Variants in ZNF215 observed in about 807,000 individuals in gnomAD.
ZNF215 encodes zinc finger protein 215, also known as BWSCR2-associated zinc finger protein 2.
In ZNF215, 24 loss-of-function variants were observed where a neutral mutation model predicts 27.2. The ratio of observed to expected loss-of-function variants is 0.88; its 90% CI spans 0.64 to 1.24. The LOEUF (loss-of-function observed/expected upper bound fraction) is 1.24. ZNF215 is among the 50% of genes most tolerant of loss of function. The pLI, the probability that ZNF215 is intolerant of heterozygous loss-of-function variation, is 0.00. For synonymous variants in ZNF215, 210 were observed against 204.0 expected, an observed-to-expected ratio of 1.03 and a Z score of -0.25; for missense variants, 675 against 605.7, an observed-to-expected ratio of 1.11 and a Z score of -1.20.
rs1021604808 is a variant in ZNF215 at position 6,957,353 on chromosome 11, T to C, written c.*822T>C. ...TGTATACATTAGGTTAATTGACATA[T>C]CTAAATTATCTCAGTCTGAGTTTGT... On this transcript the variant is annotated 3_prime_UTR_variant, in exon 7 of 7. Coordinates refer to ENST00000278319, the MANE Select transcript of ZNF215 (RefSeq NM_013250.4). 2 of 214,646 alleles carry C rather than the reference T, an allele frequency of 9.3e-6. No homozygotes were observed. The highest frequency in any genetic ancestry group is 4.7e-5 in the African/African-American group (2 of 42,530). 13.3% of individuals were successfully genotyped at this position (214,646 alleles called of 1,614,324 possible).
Position 6,955,792 on chromosome 11 carries a change from G to C in ZNF215, c.815G>C (p.Trp272Ser), listed in dbSNP as rs200618326. ...PSSDAWKGEN[W>S]LYRNQKKWDI... ...TCAGATGCCTGGAAAGGTGAGAATT[G>C]GTTATATAGGAACCAGAAAAAATGG... Residue 272 changes from tryptophan (W) to serine (S), a missense_variant, in exon 7 of 7, where the codon TGG (tryptophan) becomes TCG (serine). Coordinates refer to ENST00000278319, the MANE Select transcript of ZNF215 (RefSeq NM_013250.4). The C allele has an allele frequency of 1.2e-5, 20 of 1,613,674 alleles. No homozygotes were observed. In the East Asian group the frequency reaches 4.0e-4, roughly 32 times the overall value.
At position 6,977,766 on chromosome 11, in the gene ZNF215, T is replaced by C. The variant is rs117561077; in HGVS notation, c.806-6363T>C. ...TGTATATGCCATCCAGTCTGTGATA[T>C]TTTGTGATAATGAATACACTCTTGT... On this transcript the variant is annotated intron_variant, in intron 5 of 5. Transcript: ENST00000529903. Among the ~76,000 whole-genome samples, 31 of 152,210 alleles carry C rather than the reference T, an allele frequency of 2.0e-4. No individual in the cohort carries two copies. The East Asian group carries it at 5.8e-3, about 28-fold the overall frequency.
rs1849292091 is a variant in ZNF215, at chr11:6,932,333, C to A, written c.61C>A (p.Gln21Lys). ...ACCTCGAAACCTGTCTCTACGTGAA[C>A]AAAGAGAGGTTCTGAGAGCAGATAT... is the stretch of plus-strand genomic sequence containing the variant. Reference protein sequence around the residue: ...SKPRNLSLREQREVLRADMSW... With the variant: ...SKPRNLSLREKREVLRADMSW... Residue 21 changes from glutamine to lysine, a missense_variant, in exon 3 of 7, where the codon CAA becomes AAA. Coordinates refer to ENST00000278319, the MANE Select transcript of ZNF215 (RefSeq NM_013250.4). 1 of 1,613,998 alleles carries A rather than the reference C, an allele frequency of 6.2e-7. No individual in the cohort carries two copies. The highest frequency in any genetic ancestry group is 1.3e-5 in the African/African-American group (1 of 74,878).
Position 6,932,112 on chromosome 11 carries a change from A to G in ZNF215, c.-161A>G. ...TTTTCAGTTGCTCAGGTACCTGAATATTGGCTTTGTGTCTAAAGTTTCTGG... is the reference window on the plus strand; with the variant it reads ...TTTTCAGTTGCTCAGGTACCTGAATGTTGGCTTTGTGTCTAAAGTTTCTGG... On this transcript the variant is annotated 5_prime_UTR_variant, in exon 3 of 7. It adds an upstream start codon to the 5' untranslated region. Coordinates refer to ENST00000278319, the MANE Select transcript of ZNF215 (RefSeq NM_013250.4). The G allele has an allele frequency of 1.3e-6, 1 of 792,374 alleles. No individual in the cohort carries two copies. The highest frequency in any genetic ancestry group is 2.7e-5 in the South Asian group (1 of 37,510). 49.1% of individuals were successfully genotyped at this position (792,374 alleles called of 1,614,324 possible).
At chr11:6,951,294 T>C (rs1850047920) in intron 6 of ZNF215, among the ~76,000 whole-genome samples, 2 of 151,918 alleles carry the variant, frequency 1.3e-5, no homozygotes, top group Non-Finnish European at 2.9e-5. Context: ...ATTGGAATAG[T>C]TTCAGAAGGA....
chr11:6,975,400 T>A (rs1489838271), intron 5 of ZNF215, among the ~76,000 whole-genome samples: 2 of 152,042 alleles, frequency 1.3e-5, no homozygotes, highest in African/African-American at 2.4e-5. Flanking sequence ...AGTTACACAC[T>A]TAGTTATTTT....
downstream of ZNF215, among the ~76,000 whole-genome samples, chr11:6,989,104 C>A (rs1384350138): frequency 1.4e-5 from 2 of 141,826 alleles, no homozygotes; most frequent in Non-Finnish European, 3.0e-5. Flanking sequence ...TGCAGTGAGC[C>A]CAGATCGTGC....
Position 6,956,342 on chromosome 11 carries a change from C to T in ZNF215, c.1365C>T (p.Leu455=). 5 of 1,614,118 alleles carry T rather than the reference C, an allele frequency of 3.1e-6. No homozygotes were observed. Among genetic ancestry groups the T allele is most frequent in the Non-Finnish European group, 4.2e-6 (5 of 1,180,014 alleles). Residue 455 remains leucine (L), a synonymous_variant, in exon 7 of 7, where the codon CTC becomes CTT. Coordinates refer to ENST00000278319, the MANE Select transcript of ZNF215 (RefSeq NM_013250.4). ...GTGAAGACAGTAATAATCCAACACT[C>T]CATTTTGGAAACAATTTCTATCAAT... is the stretch of plus-strand genomic sequence containing the variant. ...SKSEDSNNPT[L]HFGNNFYQCV...
chr11:6,948,558 A>G (rs1232823414), intron 6 of ZNF215, among the ~76,000 whole-genome samples: 1 of 152,182 alleles, frequency 6.6e-6, no homozygotes, highest in Non-Finnish European at 1.5e-5. Flanking sequence ...AGATGACTTC[A>G]GTCTCTCATT....
At chr11:6,974,140 C>A (rs374170933) in intron 5 of ZNF215, among the ~76,000 whole-genome samples, 33,965 of 151,534 alleles carry the variant, frequency 0.22, 3,936 homozygotes, top group Non-Finnish European at 0.25. Flanking sequence ...AGCACCATTT[C>A]TTAAATAGGG....
At chr11:6,968,682 A>G (rs1198660353) in intron 5 of ZNF215, among the ~76,000 whole-genome samples, 1 of 152,030 alleles carries the variant, frequency 6.6e-6, no homozygotes, top group African/African-American at 2.4e-5. Context: ...TCTGGGCTAA[A>G]GGGCAAAATC....
At position 6,943,647 on chromosome 11, in the gene ZNF215, A is replaced by C; in HGVS notation, c.712+6A>C. 6.2e-7 allele frequency: 1 copy of C among 1,601,236 alleles called. No homozygotes were observed. Among genetic ancestry groups the C allele is most frequent in the South Asian group, 1.1e-5 (1 of 90,700 alleles). ...ACCAAGGAAGACTATTTTTGGTAAG[A>C]ACCAGGTAGATATGAGGCCATAGTA... On this transcript the variant is annotated splice_donor_region_variant and intron_variant, in intron 6 of 6. Coordinates refer to ENST00000278319, the MANE Select transcript of ZNF215 (RefSeq NM_013250.4).
Position 6,952,807 on chromosome 11 carries a change from T to C in ZNF215, c.713-2883T>C, listed in dbSNP as rs866283205. ...GTTAGCTGGTTATTTTGCTGGTTAG[T>C]TGATGCAGTTTCTTCGTAGCCTCGA... is the stretch of plus-strand genomic sequence containing the variant. On this transcript the variant is annotated intron_variant, in intron 6 of 6. Coordinates refer to ENST00000278319, the MANE Select transcript of ZNF215 (RefSeq NM_013250.4). Among the ~76,000 whole-genome samples, 8 of 152,224 alleles carry C rather than the reference T, an allele frequency of 5.3e-5. 1 individual carries two copies. The Middle Eastern group carries it at 0.02, about 388-fold the overall frequency.
intron 3 of ZNF215, among the ~76,000 whole-genome samples, chr11:6,939,618 T>TA (rs1849566516): frequency 6.6e-6 from 1 of 152,116 alleles, no homozygotes; most frequent in Non-Finnish European, 1.5e-5. Context: ...CCAAGATCCA[T>TA]TTAGCAAGGG....
At position 6,932,461 on chromosome 11, in the gene ZNF215, T is replaced by C. The variant is rs1403712378; in HGVS notation, c.189T>C (p.His63=). 6.2e-7 allele frequency: 1 copy of C among 1,614,142 alleles called. No individual in the cohort carries two copies. The highest frequency in any genetic ancestry group is 1.7e-5 in the Admixed American group (1 of 60,022). Residue 63 remains histidine (H), a synonymous_variant, in exon 3 of 7, where the codon CAT becomes CAC. Coordinates refer to ENST00000278319, the MANE Select transcript of ZNF215 (RefSeq NM_013250.4). ...HFQYLKVSGP[H]EALSQLWELC... ...AGTATTTGAAAGTGTCTGGGCCCCA[T>C]GAAGCCCTGAGCCAACTCTGGGAGC...
downstream of ZNF215, among the ~76,000 whole-genome samples, chr11:6,992,514 A>G (rs927146623): frequency 1.7e-4 from 26 of 152,256 alleles, no homozygotes; most frequent in Admixed American, 1.3e-4. Context: ...ACAGTAAAGT[A>G]TAAATAAAAT....
chr11:6,935,759 T>C (rs1024920945), intron 3 of ZNF215, among the ~76,000 whole-genome samples: 1 of 152,118 alleles, frequency 6.6e-6, no homozygotes, highest in Admixed American at 6.5e-5. Context: ...GAAGATACAT[T>C]TTCAAGTATA....
At chr11:6,975,982 C>A (rs939073387) in intron 5 of ZNF215, among the ~76,000 whole-genome samples, 1 of 152,026 alleles carries the variant, frequency 6.6e-6, no homozygotes, top group Non-Finnish European at 1.5e-5. Context: ...TACAAGGGTT[C>A]CCTTTTCTCT....
chr11:6,955,128 C>G (rs1850275137), intron 6 of ZNF215, among the ~76,000 whole-genome samples: 1 of 152,164 alleles, frequency 6.6e-6, no homozygotes, highest in Non-Finnish European at 1.5e-5. Context: ...AGAAAAAGGA[C>G]TTCCTGCTAT....
Sources: allele counts gnomAD v4.1 joint callset (sites outside exome capture counted in the v4.1 genomes callset), GRCh38; gene constraint gnomAD v4.1.1; transcripts MANE v1.5; gene names NCBI Gene and HGNC (gene_info 2026-07-23, HGNC 2026-07-21).